IGHMBP2: variants seen among roughly 807,000 people sequenced by gnomAD.
The protein encoded by IGHMBP2 is immunoglobulin mu DNA binding protein 2.
IGHMBP2 carries 81 observed loss-of-function variants against 96.0 expected under a neutral mutation model. The ratio of observed to expected loss-of-function variants is 0.84; its 90% confidence interval spans 0.71 to 1.01. IGHMBP2 has a LOEUF of 1.01. Ranked by LOEUF, IGHMBP2 falls within the 50% of genes least tolerant of loss-of-function variation. The probability of loss-of-function intolerance (pLI) is 0.00; values close to 1 mark genes in which losing one functional copy is unlikely to be tolerated. For synonymous variants in IGHMBP2, 557 were observed against 548.9 expected (o/e 1.01, Z -0.21); for missense variants, 1,227 against 1,306.3 (o/e 0.94, Z 0.94).
chr11:68,917,205 C>T (rs1858707754), intron 6 of IGHMBP2, among the ~76,000 whole-genome samples: 1 of 151,998 alleles, frequency 6.6e-6, no homozygotes, highest in African/African-American at 2.4e-5. Flanking sequence ...TCTCGATTTC[C>T]TGAGCTCGTG....
chr11:68,908,837 T>C (rs1858305506), intron 4 of IGHMBP2, among the ~76,000 whole-genome samples: 1 of 145,716 alleles, frequency 6.9e-6, no homozygotes, highest in Non-Finnish European at 1.5e-5. Context: ...GCTCGTTCCA[T>C]TGAGGTTTTT....
chr11:68,933,183 A>G, intron 8 of IGHMBP2, 116 bp from the exon 9 acceptor site: 1 of 1,086,748 alleles, frequency 9.2e-7, no homozygotes, highest in Non-Finnish European at 1.4e-6. Flanking sequence ...TCTGGGTCAG[A>G]ATCCAGGGGA....
At chr11:68,939,101 A>C (rs1011823754) in intron 14 of IGHMBP2, among the ~76,000 whole-genome samples, 1 of 152,100 alleles carries the variant, frequency 6.6e-6, no homozygotes, top group African/African-American at 2.4e-5. Context: ...AGTTGGGAGT[A>C]GAGTGTGAGG....
chr11:68,912,802 G>A (rs1219008708), intron 5 of IGHMBP2, among the ~76,000 whole-genome samples: 4 of 152,022 alleles, frequency 2.6e-5, no homozygotes, highest in African/African-American at 9.6e-5. Context: ...TACTTTGGGA[G>A]GCTGAGGCGG....
intron 13 of IGHMBP2, chr11:68,937,903 A>C: frequency 2.1e-6 from 1 of 485,144 alleles, no homozygotes; most frequent in Admixed American, 3.3e-5. Context: ...GACTGATGCC[A>C]CCCCTGCCCC....
rs3794028 is a variant in IGHMBP2, at chr11:68,934,743, C to T, written c.1632+185C>T. Among the ~76,000 whole-genome samples the T allele has an allele frequency of 5.9e-5, 9 of 152,336 alleles. No individual in the cohort carries two copies. In the South Asian group the frequency reaches 8.3e-4, roughly 14 times the overall value. Reference sequence around the variant, plus strand: ...GGGCCCCTCTGCGTGTTCGTCTGCCCGCCCCACCTTGCCCCGCCCTGCCCG... The same window carrying T: ...GGGCCCCTCTGCGTGTTCGTCTGCCTGCCCCACCTTGCCCCGCCCTGCCCG... On this transcript the variant is annotated intron_variant, in intron 11 of 14. Transcript: ENST00000255078.
intron 7 of IGHMBP2, 86 bp from the exon 8 acceptor site, chr11:68,929,097 C>T (rs1173729608): frequency 1.2e-5 from 15 of 1,256,306 alleles, no homozygotes; most frequent in Non-Finnish European, 1.7e-5. Context: ...GATGAAACCC[C>T]AGCTTGATGG....
At chr11:68,904,121 G>T (rs1016079551) in intron 1 of IGHMBP2, 83 bp downstream of exon 1, 16 of 1,178,630 alleles carry the variant, frequency 1.4e-5, no homozygotes, top group Non-Finnish European at 1.4e-5. Context: ...CGGCCTCATA[G>T]TCTGGGGCGG....
rs71043470 is a variant in IGHMBP2, at chr11:68,915,166, CTTTTTTTTTT to C, written c.912+164_912+173del. The C allele has an allele frequency of 5.3e-3, 1,084 of 205,200 alleles. 2 individuals are homozygous for C. The highest frequency in any genetic ancestry group is 6.6e-3 in the South Asian group (116 of 17,674). 12.7% of individuals were successfully genotyped at this position (205,200 alleles called of 1,614,324 possible). On this transcript the variant is annotated intron_variant, in intron 6 of 14. Transcript: ENST00000255078. ...TAATAATTTTAAAAATTGGGCTGCC[CTTTTTTTTTT>C]TTTTTTTTTTTTTTTTTTTTGTGAC...
chr11:68,939,438 G>A, intron 14 of IGHMBP2, 96 bp from the exon 15 acceptor site: 1 of 1,314,304 alleles, frequency 7.6e-7, no homozygotes, highest in Non-Finnish European at 1.1e-6. Context: ...TTCTCTGTTG[G>A]GGCGCCTGTG....
intron 5 of IGHMBP2, among the ~76,000 whole-genome samples, chr11:68,912,631 C>T (rs550578496): frequency 6.0e-4 from 91 of 151,934 alleles, no homozygotes; most frequent in Middle Eastern, 6.8e-3. Flanking sequence ...GGAATAATGG[C>T]CAGTTTTGTA....
intron 7 of IGHMBP2, among the ~76,000 whole-genome samples, chr11:68,927,119 C>T (rs1293604770): frequency 1.3e-5 from 2 of 152,150 alleles, no homozygotes; most frequent in Non-Finnish European, 1.5e-5. Context: ...TTTCCTGACT[C>T]TCTACGTGCC....
intron 6 of IGHMBP2, among the ~76,000 whole-genome samples, chr11:68,915,294 C>G (rs1858617516): frequency 6.6e-6 from 1 of 150,396 alleles, no homozygotes; most frequent in Non-Finnish European, 1.5e-5. Context: ...ATTCTCCTGC[C>G]TCAGCCTCCC....
At chr11:68,918,972 T>C (rs769518587) in intron 7 of IGHMBP2, among the ~76,000 whole-genome samples, 6 of 152,230 alleles carry the variant, frequency 3.9e-5, no homozygotes, top group Non-Finnish European at 7.3e-5. Flanking sequence ...TTTGAGACCT[T>C]TCTTTTTTTC....
chr11:68,938,117 A>G, intron 13 of IGHMBP2, 65 bp from the exon 14 acceptor site: 1 of 1,574,688 alleles, frequency 6.4e-7, no homozygotes, highest in South Asian at 1.1e-5. Flanking sequence ...AATTGATTTT[A>G]AAACCTTAAA....
intron 6 of IGHMBP2, among the ~76,000 whole-genome samples, chr11:68,915,302 C>T (rs1297005680): frequency 8.6e-5 from 13 of 150,714 alleles, no homozygotes; most frequent in African/African-American, 3.2e-4. Flanking sequence ...GCCTCAGCCT[C>T]CCTAGTAGCT....
chr11:68,912,726 G>C (rs906620137), intron 5 of IGHMBP2, among the ~76,000 whole-genome samples: 16 of 152,002 alleles, frequency 1.1e-4, no homozygotes, highest in Non-Finnish European at 2.1e-4. Flanking sequence ...TGCCAAGGCA[G>C]GTGGTTAGTG....
intron 2 of IGHMBP2, 144 bp from the exon 3 acceptor site, chr11:68,908,000 CT>C (rs34242855): frequency 0.019 from 13,346 of 692,886 alleles, no homozygotes; most frequent in East Asian, 0.059. Context: ...AACTTACTTT[CT>C]TTTTTTTTTT....
chr11:68,912,227 GT>G (rs1858467616), intron 5 of IGHMBP2, among the ~76,000 whole-genome samples: 1 of 152,204 alleles, frequency 6.6e-6, no homozygotes, highest in Non-Finnish European at 1.5e-5. Flanking sequence ...CGCCTCCCGG[GT>G]TTAAGTGATT....
Sources: gnomAD v4.1 joint callset for allele counts (sites outside exome capture counted in the v4.1 genomes callset) on GRCh38, gnomAD v4.1.1 for gene constraint, MANE v1.5 for transcripts, NCBI Gene and HGNC (gene_info 2026-07-23, HGNC 2026-07-21) for gene names.